The following SPOP variants were observed in gnomAD, a reference collection of about 807,000 sequenced individuals.
The protein encoded by SPOP is speckle type BTB/POZ protein, also known as speckle-type POZ protein.
In SPOP, 11 loss-of-function variants were observed where a neutral mutation model predicts 45.6. That is an observed-to-expected ratio of 0.24 (90% CI 0.15 to 0.40). The LOEUF (loss-of-function observed/expected upper bound fraction) is 0.40, where lower values mean the gene tolerates loss of function less well. SPOP is among the 10% of genes least tolerant of loss of function. SPOP has a pLI of 1.00. For synonymous variants in SPOP, 166 were observed against 166.3 expected (o/e 1.00, Z 0.01); for missense variants, 152 against 465.6 (o/e 0.33, Z 6.20).
Position 49,599,507 on chromosome 17 carries a change from T to G in SPOP, c.*871A>C, listed in dbSNP as rs568696453. 24 of 100,700 alleles carry G rather than the reference T, an allele frequency of 2.4e-4. No homozygotes were observed. The highest frequency in any genetic ancestry group is 5.8e-4 in the East Asian group (6 of 10,342). The allele number at this position is 100,700 out of a possible 1,614,324, so 6.2% of individuals were successfully genotyped here. The stretch of plus-strand genomic sequence containing the variant: ...TTTTGTTCTGTTTTTGTTTTGTGTG[T>G]TTTTTTTTTTGTTTGTTTTTTAGAA... On this transcript the variant is annotated 3_prime_UTR_variant, in exon 10 of 10. Coordinates refer to ENST00000504102, the MANE Select transcript of SPOP (RefSeq NM_001007228.2).
At chr17:49,638,657 T>C (rs188791668) in intron 1 of SPOP, among the ~76,000 whole-genome samples, 1 of 152,262 alleles carries the variant, frequency 6.6e-6, no homozygotes, top group Admixed American at 6.5e-5. Context: ...CAAATAAGCT[T>C]CTCTTAGACT....
chr17:49,618,583 A>C (rs1381019382), intron 5 of SPOP: 1 of 458,508 alleles, frequency 2.2e-6, no homozygotes, highest in East Asian at 6.9e-5. Context: ...AGAGCAGAAA[A>C]GGTAAGTAAT....
At chr17:49,677,548 T>A (rs1311580871) in intron 1 of SPOP, among the ~76,000 whole-genome samples, 2 of 152,218 alleles carry the variant, frequency 1.3e-5, no homozygotes, top group Non-Finnish European at 2.9e-5. Context: ...CGCAGGTCCC[T>A]GCAACACCGC....
chr17:49,654,734 G>C (rs112360089), intron 1 of SPOP, among the ~76,000 whole-genome samples: 48 of 152,244 alleles, frequency 3.2e-4, no homozygotes, highest in African/African-American at 1.1e-3. Flanking sequence ...GCAGTGGGCT[G>C]AGATCGCATC....
intron 5 of SPOP, among the ~76,000 whole-genome samples, chr17:49,617,363 T>C (rs897884010): frequency 1.3e-5 from 2 of 152,214 alleles, no homozygotes; most frequent in Non-Finnish European, 2.9e-5. Flanking sequence ...ACCAACTAAA[T>C]TCTCATTTCT....
At chr17:49,640,369 A>T (rs6504620) in intron 1 of SPOP, among the ~76,000 whole-genome samples, 41,139 of 151,434 alleles carry the variant, frequency 0.27, 5,605 homozygotes, top group South Asian at 0.32. Context: ...CAGTTTTTTT[A>T]AAAAAAAAGA....
At chr17:49,608,568 C>T (rs995989030) in intron 6 of SPOP, among the ~76,000 whole-genome samples, 8 of 152,176 alleles carry the variant, frequency 5.3e-5, no homozygotes, top group African/African-American at 1.7e-4. Flanking sequence ...TTATTTCTCT[C>T]ATCAGGGAGA....
intron 5 of SPOP, chr17:49,618,692 GA>G: frequency 8.5e-6 from 4 of 469,364 alleles, no homozygotes; most frequent in East Asian, 4.8e-5. Flanking sequence ...AATGCTATCT[GA>G]AAAAAATCCC....
intron 1 of SPOP, among the ~76,000 whole-genome samples, chr17:49,639,353 T>C (rs1169677848): frequency 6.6e-6 from 1 of 152,034 alleles, no homozygotes; most frequent in Non-Finnish European, 1.5e-5. Flanking sequence ...GTTTGGAAAA[T>C]AGTTTATTAT....
intron 1 of SPOP, among the ~76,000 whole-genome samples, chr17:49,664,101 T>G (rs2073022732): frequency 6.6e-6 from 1 of 152,226 alleles, no homozygotes; most frequent in Non-Finnish European, 1.5e-5. Flanking sequence ...TTAATGGATT[T>G]TAATGTAACA....
chr17:49,619,195 T>C lies in SPOP; in HGVS notation c.352+39A>G. The C allele has an allele frequency of 6.2e-7, 1 of 1,613,974 alleles. No individual in the cohort carries two copies. Among genetic ancestry groups the C allele is most frequent in the South Asian group, 1.1e-5 (1 of 91,060 alleles). ...CTTGTCAGTGTATGAAACTTCTGGA[T>C]GTGAAACTTAAGAGTTGAACAAAGA... is the stretch of plus-strand genomic sequence containing the variant. On this transcript the variant is annotated intron_variant, in intron 4 of 9. Coordinates refer to ENST00000504102, the MANE Select transcript of SPOP (RefSeq NM_001007228.2). This position sits in a 1 kb window ranked among gnomAD's most constrained non-coding sequence, Gnocchi z 4.9.
intron 1 of SPOP, chr17:49,676,108 C>T (rs924369141): frequency 6.6e-6 from 1 of 152,170 alleles, no homozygotes; most frequent in African/African-American, 2.4e-5. Flanking sequence ...AGTTTCACTT[C>T]TAGATACTAC....
At chr17:49,630,559 C>A (rs890654890) in intron 1 of SPOP, among the ~76,000 whole-genome samples, 3 of 152,016 alleles carry the variant, frequency 2.0e-5, no homozygotes, top group African/African-American at 7.3e-5. Context: ...TTATCGGGTT[C>A]ATGCTTTGTA....
intron 3 of SPOP, 87 bp downstream of exon 3, chr17:49,621,859 A>T: frequency 6.8e-7 from 1 of 1,468,476 alleles, no homozygotes; most frequent in Non-Finnish European, 9.4e-7. Flanking sequence ...GCCTTCATGG[A>T]AATTACATTC....
intron 1 of SPOP, among the ~76,000 whole-genome samples, chr17:49,671,462 C>T (rs905692254): frequency 6.6e-6 from 1 of 151,970 alleles, no homozygotes; most frequent in African/African-American, 2.4e-5. Flanking sequence ...CTAGGAACTT[C>T]TTGTGACAGA....
chr17:49,619,667 G>C lies in SPOP; in HGVS notation c.201-282C>G, dbSNP rs537004191. On this transcript the variant is annotated intron_variant, in intron 3 of 9. Coordinates refer to ENST00000504102, the MANE Select transcript of SPOP (RefSeq NM_001007228.2). The surrounding 1 kb of genome is among the most constrained non-coding windows in gnomAD (Gnocchi z 4.9). ...TCCCACCCCAGCCTCCCGAGTAGCG[G>C]GGACTACAGATGTGCACCACCATGG... Among the ~76,000 whole-genome samples the C allele has an allele frequency of 4.6e-5, 7 of 152,180 alleles. No homozygotes were observed. Among genetic ancestry groups the C allele is most frequent in the African/African-American group, 1.7e-4 (7 of 41,538 alleles).
rs2073076265 is a variant in SPOP, at chr17:49,667,372, T to C, written c.-67+10561A>G. On this transcript the variant is annotated intron_variant, in intron 1 of 9. Coordinates refer to ENST00000504102, the MANE Select transcript of SPOP (RefSeq NM_001007228.2). The stretch of plus-strand genomic sequence containing the variant: ...TGGTAGGCCAAGGCGGGCGGATCAC[T>C]TGAAGTAAGGAGTTCGAGACCAGCC... Among the ~76,000 whole-genome samples the C allele has an allele frequency of 2.7e-5, 4 of 150,002 alleles. No homozygotes were observed. The South Asian group carries it at 8.4e-4, about 32-fold the overall frequency.
In SPOP at chr17:49,673,287, C is replaced by T. The variant is rs866365340; in HGVS notation, c.-67+4646G>A. Reference sequence around the variant, plus strand: ...TTGGGAGGCCAAGGTGGGTGGATCACGAGGTCAGGAGATCAAGACCATCCT... The same window carrying T: ...TTGGGAGGCCAAGGTGGGTGGATCATGAGGTCAGGAGATCAAGACCATCCT... On this transcript the variant is annotated intron_variant, in intron 1 of 9. Coordinates refer to ENST00000504102, the MANE Select transcript of SPOP (RefSeq NM_001007228.2). Among the ~76,000 whole-genome samples, 26 of 151,990 alleles carry T rather than the reference C, an allele frequency of 1.7e-4. No homozygotes were observed. The South Asian group carries it at 1.9e-3, about 11-fold the overall frequency.
intron 8 of SPOP, 169 bp downstream of exon 8, chr17:49,607,077 TAAAA>T: frequency 1.5e-6 from 1 of 689,226 alleles, no homozygotes; most frequent in Non-Finnish European, 2.3e-6. Context: ...CTTTTGAGAA[TAAAA>T]AGTGTGCTAT....
Sources: allele counts gnomAD v4.1 joint callset (sites outside exome capture counted in the v4.1 genomes callset), GRCh38; gene constraint gnomAD v4.1.1; non-coding constraint Gnocchi (gnomAD v3.1); transcripts MANE v1.5; gene names NCBI Gene and HGNC (gene_info 2026-07-23, HGNC 2026-07-21).